Variants in CACNA1A observed in about 807,000 individuals in gnomAD.
CACNA1A encodes calcium voltage-gated channel subunit alpha1 A.
CACNA1A carries 57 observed loss-of-function variants against 262.4 expected under a neutral mutation model. That is an observed-to-expected ratio of 0.22 (90% CI 0.18 to 0.27). CACNA1A has a LOEUF of 0.27. Ranked by LOEUF, CACNA1A falls within the 10% of genes least tolerant of loss-of-function variation. The probability of loss-of-function intolerance (pLI) is 1.00; values close to 1 mark genes in which losing one functional copy is unlikely to be tolerated. For missense variants in CACNA1A, 2,526 were observed against 3,562.8 expected, an observed-to-expected ratio of 0.71 and a Z score of 7.41; for synonymous variants, 1,431 against 1,419.3, an observed-to-expected ratio of 1.01 and a Z score of -0.18.
chr19:13,444,545 C>A (rs139195308), intron 3 of CACNA1A, among the ~76,000 whole-genome samples: 2 of 152,050 alleles, frequency 1.3e-5, no homozygotes, highest in Admixed American at 6.6e-5. Flanking sequence ...TAATAAAAAG[C>A]GAGGAACTGG....
chr19:13,224,627 C>G, intron 38 of CACNA1A, 40 bp downstream of exon 38: 1 of 1,409,258 alleles, frequency 7.1e-7, no homozygotes, highest in Non-Finnish European at 9.9e-7. Flanking sequence ...CGGTTCCACC[C>G]TGTCACGCCT....
At chr19:13,325,671 G>C (rs577967686) in intron 10 of CACNA1A, among the ~76,000 whole-genome samples, 1 of 152,270 alleles carries the variant, frequency 6.6e-6, no homozygotes, top group East Asian at 1.9e-4. Flanking sequence ...CTGGCCTCAA[G>C]CCTGTCTTGG....
intron 3 of CACNA1A, among the ~76,000 whole-genome samples, chr19:13,404,494 G>A (rs1371064789): frequency 2.6e-5 from 4 of 152,174 alleles, no homozygotes; most frequent in African/African-American, 9.7e-5. Context: ...TAAGAGGCGT[G>A]CCATCAGGAA....
chr19:13,289,936 A>G (rs2057494730), intron 19 of CACNA1A, among the ~76,000 whole-genome samples: 1 of 149,442 alleles, frequency 6.7e-6, no homozygotes, highest in Admixed American at 6.7e-5. Flanking sequence ...TATCTTATCT[A>G]TCTTATTTTT....
intron 5 of CACNA1A, among the ~76,000 whole-genome samples, chr19:13,360,631 C>A (rs186797490): frequency 6.6e-6 from 1 of 152,074 alleles, no homozygotes; most frequent in Non-Finnish European, 1.5e-5. Flanking sequence ...GTGGCCACCA[C>A]CACACCTGGA....
chr19:13,399,393 TGAG>T (rs2059860835), intron 3 of CACNA1A, among the ~76,000 whole-genome samples: 1 of 86,516 alleles, frequency 1.2e-5, no homozygotes, highest in Non-Finnish European at 2.1e-5. Flanking sequence ...GATCCAAAAA[TGAG>T]AAGAAGAAGA....
chr19:13,304,057 CTT>C (rs1400662633), intron 15 of CACNA1A, among the ~76,000 whole-genome samples, 173 bp from the exon 16 acceptor site: 3 of 152,056 alleles, frequency 2.0e-5, no homozygotes, highest in South Asian at 2.1e-4. Flanking sequence ...TGGCTTTTCT[CTT>C]TGTTTGCGAG....
At chr19:13,463,033 T>C (rs1449756424) in intron 1 of CACNA1A, among the ~76,000 whole-genome samples, 2 of 152,006 alleles carry the variant, frequency 1.3e-5, no homozygotes, top group African/African-American at 4.8e-5. Context: ...AGTGCTGGGA[T>C]TACAGGTATG....
chr19:13,305,777 A>G (rs1200383720), intron 15 of CACNA1A, among the ~76,000 whole-genome samples: 3 of 152,094 alleles, frequency 2.0e-5, no homozygotes, highest in Non-Finnish European at 4.4e-5. Context: ...ATAATCGCTT[A>G]TGGGCCAGGT....
Position 13,234,843 on chromosome 19 carries a change from C to A in CACNA1A, c.5249+78G>T, listed in dbSNP as rs3765012. Reference sequence around the variant, plus strand: ...CTTGCATTGGAAGAGGAGGGTACATCCTCTATGGGAACAGAAGGATGAAGG... The same window carrying A: ...CTTGCATTGGAAGAGGAGGGTACATACTCTATGGGAACAGAAGGATGAAGG... On this transcript the variant is annotated intron_variant, in intron 34 of 46. Transcript: ENST00000360228. 0.22 allele frequency: 217,373 copies of A among 975,240 alleles called. 30,009 individuals carry two copies. Among genetic ancestry groups the A allele is most frequent in the East Asian group, 0.64 (26,588 of 41,724 alleles). 60.4% of individuals were successfully genotyped at this position (975,240 alleles called of 1,614,324 possible). A position where few individuals can be genotyped will look rare whatever the true frequency, so the allele number is the denominator to read the frequency against.
At chr19:13,310,850 G>T (rs563690318) in intron 12 of CACNA1A, among the ~76,000 whole-genome samples, 4 of 151,780 alleles carry the variant, frequency 2.6e-5, no homozygotes, top group African/African-American at 9.7e-5. Flanking sequence ...GAGTGCAGTG[G>T]TGCAATCTCA....
At chr19:13,213,636 G>A (rs2054895951) in intron 40 of CACNA1A, 1 of 143,122 alleles carries the variant, frequency 7.0e-6, no homozygotes, top group South Asian at 2.4e-4. Context: ...GCAGCTGAAT[G>A]AAGAATGAAT....
chr19:13,312,630 G>C (rs758459454), intron 12 of CACNA1A, 39 bp downstream of exon 12: 1 of 1,205,636 alleles, frequency 8.3e-7, no homozygotes, highest in Non-Finnish European at 1.2e-6. Context: ...TTCCAGGCAA[G>C]AGCTGGAGAA....
Position 13,241,513 on chromosome 19 carries a change from A to G in CACNA1A, c.4950+3669T>C, listed in dbSNP as rs1266336323. 1.4e-6 allele frequency: 2 copies of G among 1,380,510 alleles called. No individual in the cohort carries two copies. Among genetic ancestry groups the G allele is most frequent in the Non-Finnish European group, 1.9e-6 (2 of 1,038,270 alleles). The allele number at this position is 1,380,510 out of a possible 1,614,324, so 85.5% of individuals were successfully genotyped here. ...GGCATTTAGACTTCAGAAAGAAGTAAGACCAACCGGATTCTAGATGCAGAT... is the reference window on the plus strand; with the variant it reads ...GGCATTTAGACTTCAGAAAGAAGTAGGACCAACCGGATTCTAGATGCAGAT... On this transcript the variant is annotated intron_variant, in intron 31 of 46. Coordinates refer to ENST00000360228, the MANE Select transcript of CACNA1A (RefSeq NM_001127222.2). The surrounding 1 kb of genome is among the most constrained non-coding windows in gnomAD (Gnocchi z 4.0).
Position 13,506,044 on chromosome 19 carries a change from G to A in CACNA1A, c.181C>T (p.Leu61Phe). Reference sequence around the variant, plus strand: ...TGTCGGACGGGGATGGGGTTGTAGAGTGCCATGGTCCGCGCTCTCTGCGCC... The same window carrying A: ...TGTCGGACGGGGATGGGGTTGTAGAATGCCATGGTCCGCGCTCTCTGCGCC... ...SMAQRARTMA[L>F]YNPIPVRQNC... is the part of the protein sequence containing the mutation. The change falls in exon 1 of 47, where the codon CTC (leucine) becomes TTC (phenylalanine). Residue 61 changes from leucine to phenylalanine, a missense_variant. Leu to Phe is a conservative substitution (Grantham distance 22). This residue lies in a region of CACNA1A where 77 missense variants were observed against 228.4 expected (regional missense o/e 0.34). Transcript: ENST00000360228. 1 of 1,613,986 alleles carries A rather than the reference G, an allele frequency of 6.2e-7. No individual in the cohort carries two copies. Among genetic ancestry groups the A allele is most frequent in the South Asian group, 1.1e-5 (1 of 91,082 alleles).
intron 1 of CACNA1A, among the ~76,000 whole-genome samples, chr19:13,490,706 A>C (rs1980692550): frequency 2.3e-5 from 1 of 43,188 alleles, no homozygotes; most frequent in Non-Finnish European, 6.5e-5. Flanking sequence ...AGAAAGAAAG[A>C]AAGAAAGAAA....
intron 24 of CACNA1A, among the ~76,000 whole-genome samples, chr19:13,265,227 T>C (rs993866120): frequency 6.6e-6 from 1 of 152,220 alleles, no homozygotes; most frequent in African/African-American, 2.4e-5. Context: ...GCCTGGCGTG[T>C]GGTCTCAGGA....
chr19:13,209,374 C>CGCCGCTGGTGGT lies in CACNA1A; in HGVS notation c.6452_6463dup (p.His2151_Arg2154dup), dbSNP rs1469809752. The CGCCGCTGGTGGT allele has an allele frequency of 2.9e-6, 4 of 1,389,134 alleles. No individual in the cohort carries two copies. Among genetic ancestry groups the CGCCGCTGGTGGT allele is most frequent in the East Asian group, 2.8e-5 (1 of 35,624 alleles). 86.1% of individuals were successfully genotyped at this position (1,389,134 alleles called of 1,614,324 possible). A position where few individuals can be genotyped will look rare whatever the true frequency, so the allele number is the denominator to read the frequency against. ...AGAGGCGCGGTGGCTGCGGTCGCGG[C>CGCCGCTGGTGGT]GCCGCTGGTGGTGCCGCTGGTTCTC... On this transcript the variant is annotated inframe_insertion, in exon 45 of 47. Coordinates refer to ENST00000360228, the MANE Select transcript of CACNA1A (RefSeq NM_001127222.2).
chr19:13,278,435 C>T (rs2057203998), intron 22 of CACNA1A, among the ~76,000 whole-genome samples: 1 of 152,162 alleles, frequency 6.6e-6, no homozygotes, highest in African/African-American at 2.4e-5. Flanking sequence ...CGTCTTTCTC[C>T]TCCTTTATGA....
Sources: gnomAD v4.1 joint callset for allele counts (sites outside exome capture counted in the v4.1 genomes callset) on GRCh38, gnomAD v4.1.1 for gene constraint, gnomAD v4.1.1 regional missense constraint, Gnocchi (gnomAD v3.1) non-coding constraint, MANE v1.5 for transcripts, NCBI Gene and HGNC (gene_info 2026-07-23, HGNC 2026-07-21) for gene names.